The following TLCD4 variants were observed in gnomAD, a reference collection of about 807,000 sequenced individuals.
TLCD4 encodes TLC domain containing 4.
In TLCD4, 7 loss-of-function variants were observed where a neutral mutation model predicts 24.2. The observed-to-expected ratio is 0.29, with a 90% CI of 0.16 to 0.54. The LOEUF (loss-of-function observed/expected upper bound fraction) is 0.54. Among genes scored for constraint, TLCD4 ranks in the 20% least tolerant of loss-of-function variants. The pLI is 0.95. For synonymous variants in TLCD4, 103 were observed against 106.4 expected (o/e 0.97, Z 0.20); for missense variants, 259 against 313.9 (o/e 0.82, Z 1.32).
intron 1 of TLCD4, 91 bp from the exon 2 acceptor site, chr1:95,143,800 A>G (rs1677275528): frequency 2.5e-6 from 3 of 1,186,122 alleles, no homozygotes; most frequent in South Asian, 3.7e-5. Context: ...TTTAAAAATT[A>G]CTAAAATTAC....
At chr1:95,123,928 C>G (rs951780805) in intron 1 of TLCD4, among the ~76,000 whole-genome samples, 2 of 152,086 alleles carry the variant, frequency 1.3e-5, no homozygotes, top group Non-Finnish European at 2.9e-5. Context: ...TTTTATAATT[C>G]GGGTAACACA....
In TLCD4 at chr1:95,143,923, C is replaced by A; in HGVS notation, c.22C>A (p.Leu8Ile). The change falls in exon 2 of 7, where the codon CTC becomes ATC. Residue 8 changes from leucine to isoleucine, a missense_variant. Leu to Ile is a conservative substitution (Grantham distance 5, BLOSUM62 2). Coordinates refer to ENST00000370203, the MANE Select transcript of TLCD4 (RefSeq NM_152487.3). ...AAATATGGAGATCAACACAAAACTG[C>A]TCATCAGTGTTACCTGTATCAGCTT... MEINTKLLISVTCISFFT... is the reference protein window; with the variant it reads MEINTKLIISVTCISFFT... The A allele has an allele frequency of 6.7e-7, 1 of 1,499,008 alleles. No individual in the cohort carries two copies. Among genetic ancestry groups the A allele is most frequent in the South Asian group, 1.4e-5 (1 of 69,032 alleles). The allele number at this position is 1,499,008 out of a possible 1,614,324, so 92.9% of individuals were successfully genotyped here.
At chr1:95,187,091 G>C (rs917260739) in intron 6 of TLCD4, among the ~76,000 whole-genome samples, 1 of 152,120 alleles carries the variant, frequency 6.6e-6, no homozygotes, top group South Asian at 2.1e-4. Flanking sequence ...GGAATAGAGC[G>C]AATGTTCACT....
intron 1 of TLCD4, among the ~76,000 whole-genome samples, chr1:95,142,229 A>T (rs545289753): frequency 2.1e-5 from 3 of 145,580 alleles, no homozygotes; most frequent in Non-Finnish European, 4.5e-5. Flanking sequence ...GTGTGCATAT[A>T]TGCATAGTAC....
chr1:95,100,847 A>G, the TLCD4 span, among the ~76,000 whole-genome samples: 2 of 151,942 alleles, frequency 1.3e-5, no homozygotes, highest in Non-Finnish European at 2.9e-5. Context: ...TAAGAAAGAT[A>G]TAACTGGAAT....
intron 1 of TLCD4, 87 bp from the exon 2 acceptor site, chr1:95,143,804 A>G (rs1026567072): frequency 4.1e-6 from 5 of 1,214,730 alleles, no homozygotes; most frequent in Non-Finnish European, 5.3e-6. Flanking sequence ...AAAATTACTA[A>G]AATTACAAGA....
At position 95,191,767 on chromosome 1, in the gene TLCD4, G is replaced by A. The variant is rs757507804; in HGVS notation, c.691G>A (p.Val231Ile). 42 of 1,614,038 alleles carry A rather than the reference G, an allele frequency of 2.6e-5. No individual in the cohort carries two copies. Among genetic ancestry groups the A allele is most frequent in the Non-Finnish European group, 3.4e-5 (40 of 1,180,018 alleles). The change falls in exon 7 of 7, where the codon GTC (valine) becomes ATC (isoleucine). Residue 231 changes from valine to isoleucine, a missense_variant. Transcript: ENST00000370203. ...ISCVVLDVMN[V>I]MWMIKISKGC... Reference sequence around the variant, plus strand: ...TTGTGTTGTTTTGGATGTGATGAATGTCATGTGGATGATCAAAATTTCAAA... The same window carrying A: ...TTGTGTTGTTTTGGATGTGATGAATATCATGTGGATGATCAAAATTTCAAA...
At chr1:95,166,909 T>A (rs528374770) in intron 5 of TLCD4, among the ~76,000 whole-genome samples, 40 of 150,154 alleles carry the variant, frequency 2.7e-4, no homozygotes, top group South Asian at 8.5e-4. Context: ...AAAAAAAAAT[T>A]TTTTTTGTAG....
At chr1:95,099,526 C>T in the TLCD4 span, among the ~76,000 whole-genome samples, 1 of 152,102 alleles carries the variant, frequency 6.6e-6, no homozygotes, top group East Asian at 1.9e-4. Flanking sequence ...TCCTCATTTC[C>T]TCTGCTAGTC....
At chr1:95,110,211 T>A in the TLCD4 span, among the ~76,000 whole-genome samples, 1 of 151,712 alleles carries the variant, frequency 6.6e-6, no homozygotes, top group Non-Finnish European at 1.5e-5. Flanking sequence ...TCAATAATTA[T>A]ATCTTTACTT....
At chr1:95,145,644 C>T (rs1041494074) in intron 2 of TLCD4, among the ~76,000 whole-genome samples, 9 of 152,146 alleles carry the variant, frequency 5.9e-5, no homozygotes, top group Non-Finnish European at 4.4e-5. Flanking sequence ...GGGGTACATA[C>T]GTTCTCTGAT....
chr1:95,105,160 C>T, the TLCD4 span, among the ~76,000 whole-genome samples: 30 of 152,276 alleles, frequency 2.0e-4, no homozygotes, highest in South Asian at 5.0e-3. Flanking sequence ...TACCACATAT[C>T]ACCAGCCTGG....
intron 1 of TLCD4, among the ~76,000 whole-genome samples, chr1:95,135,525 G>A (rs943922334): frequency 1.3e-5 from 2 of 151,096 alleles, no homozygotes; most frequent in African/African-American, 4.9e-5. Context: ...GCCCCCTCAA[G>A]TAGCTGGGAC....
chr1:95,148,981 AT>A (rs931475285), intron 3 of TLCD4, among the ~76,000 whole-genome samples, 190 bp downstream of exon 3: 1 of 152,202 alleles, frequency 6.6e-6, no homozygotes, highest in African/African-American at 2.4e-5. Context: ...AATGAAGGCC[AT>A]TTTGCCTTAG....
chr1:95,190,187 T>A (rs1216276509), intron 6 of TLCD4, among the ~76,000 whole-genome samples: 1 of 151,778 alleles, frequency 6.6e-6, no homozygotes, highest in Non-Finnish European at 1.5e-5. Context: ...CACTGCAACC[T>A]CTGCCTCCCA....
chr1:95,172,431 T>C (rs1678262039), intron 5 of TLCD4, among the ~76,000 whole-genome samples: 2 of 152,234 alleles, frequency 1.3e-5, no homozygotes, highest in Admixed American at 6.5e-5. Context: ...TGCATAATTC[T>C]TTCTCCTCCA....
At chr1:95,093,676 T>C in the TLCD4 span, among the ~76,000 whole-genome samples, 2 of 152,228 alleles carry the variant, frequency 1.3e-5, no homozygotes, top group Non-Finnish European at 2.9e-5. Context: ...TTGATCTGTT[T>C]ATTCAGAAAC....
At chr1:95,185,504 A>G (rs531777163) in intron 6 of TLCD4, among the ~76,000 whole-genome samples, 1 of 152,258 alleles carries the variant, frequency 6.6e-6, no homozygotes, top group Non-Finnish European at 1.5e-5. Context: ...AATTTGCACT[A>G]AGTGTGCCTG....
At position 95,136,062 on chromosome 1, in the gene TLCD4, A is replaced by G. The variant is rs192709728; in HGVS notation, c.-11-7829A>G. Among the ~76,000 whole-genome samples, 11 of 150,238 alleles carry G rather than the reference A, an allele frequency of 7.3e-5. No individual in the cohort carries two copies. In the East Asian group the frequency reaches 1.9e-3, roughly 27 times the overall value. On this transcript the variant is annotated intron_variant, in intron 1 of 6. Coordinates refer to ENST00000370203, the MANE Select transcript of TLCD4 (RefSeq NM_152487.3). Reference sequence around the variant, plus strand: ...AAGTTTTTTTTTTTTATTTTTTTTTAAGAAATCTTGTTCCCAAGCTAACAT... The same window carrying G: ...AAGTTTTTTTTTTTTATTTTTTTTTGAGAAATCTTGTTCCCAAGCTAACAT...
Sources: gnomAD v4.1 joint callset for allele counts (sites outside exome capture counted in the v4.1 genomes callset) on GRCh38, gnomAD v4.1.1 for gene constraint, MANE v1.5 for transcripts, NCBI Gene and HGNC (gene_info 2026-07-23, HGNC 2026-07-21) for gene names.